The following LTBP1 variants were observed in gnomAD, a reference collection of about 807,000 sequenced individuals.
LTBP1 encodes latent transforming growth factor beta binding protein 1, also known as latent-transforming growth factor beta-binding protein 1.
A neutral mutation model predicts 207.6 loss-of-function variants in LTBP1; 129 were observed. The ratio of observed to expected loss-of-function variants is 0.62; its 90% confidence interval spans 0.54 to 0.72. The LOEUF is 0.72. Among genes scored for constraint, LTBP1 ranks in the 30% least tolerant of loss-of-function variants. LTBP1 has a pLI of 0.00. For missense variants in LTBP1, 2,281 were observed against 2,217.2 expected (o/e 1.03, Z -0.58); for synonymous variants, 963 against 833.7 (o/e 1.16, Z -2.67).
At chr2:33,210,461 T>C (rs1057476239) in intron 7 of LTBP1, among the ~76,000 whole-genome samples, 1 of 152,210 alleles carries the variant, frequency 6.6e-6, no homozygotes, top group African/African-American at 2.4e-5. Flanking sequence ...AAAAACATTA[T>C]CTCTTTCTCC....
At chr2:33,214,245 C>T (rs1004354468) in intron 7 of LTBP1, among the ~76,000 whole-genome samples, 1 of 152,172 alleles carries the variant, frequency 6.6e-6, no homozygotes, top group Admixed American at 6.5e-5. Context: ...TTTACAGAAT[C>T]ATTTTGTTCC....
At chr2:33,115,119 C>G (rs368438734) in intron 4 of LTBP1, among the ~76,000 whole-genome samples, 1 of 81,162 alleles carries the variant, frequency 1.2e-5, no homozygotes, top group South Asian at 4.2e-4. Flanking sequence ...CACACACACA[C>G]ATATATATAC....
At chr2:33,262,602 C>G in intron 13 of LTBP1, 120 bp from the exon 14 acceptor site, 13 of 201,538 alleles carry the variant, frequency 6.5e-5, no homozygotes, top group East Asian at 8.5e-5. Context: ...TATGATATTT[C>G]TTTGCCTTTC....
intron 23 of LTBP1, among the ~76,000 whole-genome samples, chr2:33,312,848 A>C (rs1296311794): frequency 3.1e-4 from 47 of 152,318 alleles, no homozygotes; most frequent in Non-Finnish European, 1.0e-4. Flanking sequence ...GAGGCATAGG[A>C]TAAAATAAGA....
intron 10 of LTBP1, among the ~76,000 whole-genome samples, chr2:33,248,117 G>A (rs1038376343): frequency 6.6e-6 from 1 of 152,182 alleles, no homozygotes; most frequent in Non-Finnish European, 1.5e-5. Context: ...AGGTCTCATG[G>A]CACCGTGGCC....
chr2:33,084,483 G>A (rs1035207824), intron 3 of LTBP1, among the ~76,000 whole-genome samples: 10 of 152,180 alleles, frequency 6.6e-5, no homozygotes, highest in African/African-American at 1.9e-4. Context: ...TAGGGATCCC[G>A]GGTGATAGCA....
intron 2 of LTBP1, among the ~76,000 whole-genome samples, chr2:32,973,946 G>C (rs556364518): frequency 6.6e-6 from 1 of 152,148 alleles, no homozygotes; most frequent in Admixed American, 6.5e-5. Flanking sequence ...CTTTTTTATG[G>C]CTGAATAGTA....
At position 33,282,433 on chromosome 2, in the gene LTBP1, A is replaced by T. The variant is rs142055019; in HGVS notation, c.3112+2275A>T. Among the ~76,000 whole-genome samples, 457 of 152,248 alleles carry T rather than the reference A, an allele frequency of 3.0e-3. 1 individual carries two copies. The highest frequency in any genetic ancestry group is 0.011 in the African/African-American group (443 of 41,556). ...TGAGGGCCTTTGCAGGTTATACTGA[A>T]ATAGATTTTCCATCTTAATTTTTTA... On this transcript the variant is annotated intron_variant, in intron 19 of 33. Coordinates refer to ENST00000404816, the MANE Select transcript of LTBP1 (RefSeq NM_206943.4).
chr2:33,158,150 A>C (rs867503473), intron 5 of LTBP1, among the ~76,000 whole-genome samples: 4,839 of 77,148 alleles, frequency 0.063, 38 homozygotes, highest in Middle Eastern at 0.14. Context: ...AAAAAAAACA[A>C]AAAAAAAAAA....
intron 5 of LTBP1, among the ~76,000 whole-genome samples, chr2:33,169,427 T>G (rs890492849): frequency 6.6e-6 from 1 of 152,224 alleles, no homozygotes; most frequent in Non-Finnish European, 1.5e-5. Flanking sequence ...TATTAAGATA[T>G]TTAGATAACA....
chr2:33,294,838 A>G (rs1395743479), intron 20 of LTBP1, among the ~76,000 whole-genome samples: 2 of 151,658 alleles, frequency 1.3e-5, no homozygotes, highest in African/African-American at 2.4e-5. Flanking sequence ...CAGCCTCCCA[A>G]AGTGCTGGGA....
intron 19 of LTBP1, among the ~76,000 whole-genome samples, chr2:33,292,934 A>G (rs1158999636): frequency 6.6e-6 from 1 of 152,152 alleles, no homozygotes; most frequent in Non-Finnish European, 1.5e-5. Flanking sequence ...CACAGAGCAT[A>G]TTTGGTTCCG....
chr2:32,984,207 C>T (rs1158197105), intron 2 of LTBP1, among the ~76,000 whole-genome samples: 1 of 152,192 alleles, frequency 6.6e-6, no homozygotes, highest in Admixed American at 6.5e-5. Context: ...TTTGACAGCA[C>T]AAGACTGTCT....
chr2:33,014,364 A>G (rs866415712), intron 2 of LTBP1, among the ~76,000 whole-genome samples: 2 of 152,310 alleles, frequency 1.3e-5, no homozygotes, highest in African/African-American at 4.8e-5. Flanking sequence ...AAGCAGACAG[A>G]GTAGACTAAA....
chr2:33,257,392 C>G lies in LTBP1; in HGVS notation c.2276C>G (p.Pro759Arg). ...GGTAAAGGACCTGTATTTGTCAAGC[C>G]AAAGAACACTCAACCTGTTGCTAAA... ...HVGKGPVFVKPKNTQPVAKST... is the reference protein window; with the variant it reads ...HVGKGPVFVKRKNTQPVAKST... Residue 759 changes from proline to arginine, a missense_variant, in exon 12 of 34, where the codon CCA (proline) becomes CGA (arginine). By Grantham distance (103) the Pro-to-Arg change is moderately radical. Around this residue, in one of 3 missense-constraint regions of LTBP1, gnomAD observed 1,671 missense variants for 1,634.8 expected, o/e 1.02. Transcript: ENST00000404816. The G allele has an allele frequency of 1.2e-6, 2 of 1,614,204 alleles. No individual in the cohort carries two copies. The highest frequency in any genetic ancestry group is 1.3e-5 in the African/African-American group (1 of 75,056).
intron 3 of LTBP1, among the ~76,000 whole-genome samples, chr2:33,091,085 G>A (rs2079062135): frequency 6.6e-6 from 1 of 152,178 alleles, no homozygotes; most frequent in South Asian, 2.1e-4. Flanking sequence ...CAGCACTTTT[G>A]TGGAGCCTCC....
chr2:33,387,126 A>G lies in LTBP1; in HGVS notation c.4712-2058A>G, dbSNP rs2095273010. On this transcript the variant is annotated intron_variant, in intron 31 of 33. Transcript: ENST00000404816. ...TGCCCGGCCGACAGTTTCTTTAAAA[A>G]TAAGTACCAGAATTAATTCATTTTT... 2.6e-5 allele frequency among the ~76,000 whole-genome samples: 4 copies of G among 152,322 alleles called. No individual in the cohort carries two copies. The South Asian group carries it at 8.3e-4, about 32-fold the overall frequency.
At chr2:33,347,282 A>G (rs2094716704) in intron 25 of LTBP1, 85 bp from the exon 26 acceptor site, 4 of 1,509,910 alleles carry the variant, frequency 2.6e-6, no homozygotes, top group Non-Finnish European at 3.7e-6. Context: ...TCAGCAAGAC[A>G]CTATTAGCCC....
chr2:33,364,895 ACT>A (rs2150095712), intron 30 of LTBP1, among the ~76,000 whole-genome samples: 1 of 152,264 alleles, frequency 6.6e-6, no homozygotes, highest in African/African-American at 2.4e-5. Context: ...GGAATTAAAG[ACT>A]CTAGGATGAA....
Sources: gnomAD v4.1 joint callset for allele counts (sites outside exome capture counted in the v4.1 genomes callset) on GRCh38, gnomAD v4.1.1 for gene constraint, gnomAD v4.1.1 regional missense constraint, MANE v1.5 for transcripts, NCBI Gene and HGNC (gene_info 2026-07-23, HGNC 2026-07-21) for gene names.